Variants in CAMKMT observed in about 807,000 individuals in gnomAD.
CAMKMT encodes calmodulin-lysine N-methyltransferase, also known as CaM KMT.
CAMKMT carries 53 observed loss-of-function variants against 48.0 expected under a neutral mutation model. The ratio of observed to expected loss-of-function variants is 1.10; its 90% CI spans 0.89 to 1.39. CAMKMT has a LOEUF of 1.39. CAMKMT is among the 40% of genes most tolerant of loss of function. The pLI is 0.00. For synonymous variants in CAMKMT, 165 were observed against 152.3 expected (o/e 1.08, Z -0.61); for missense variants, 428 against 402.7 (o/e 1.06, Z -0.54).
chr2:44,386,367 C>T (rs976501100), intron 2 of CAMKMT, among the ~76,000 whole-genome samples: 1 of 151,980 alleles, frequency 6.6e-6, no homozygotes, highest in Non-Finnish European at 1.5e-5. Context: ...GCAGTATCTC[C>T]TGTTTCCTAG....
chr2:44,586,621 G>A (rs1572859183), intron 3 of CAMKMT, among the ~76,000 whole-genome samples: 1 of 152,248 alleles, frequency 6.6e-6, no homozygotes, highest in East Asian at 1.9e-4. Context: ...CTTGCATATT[G>A]TAGTGTGTTT....
intron 3 of CAMKMT, among the ~76,000 whole-genome samples, chr2:44,703,853 C>T (rs1363296298): frequency 6.6e-6 from 1 of 150,508 alleles, no homozygotes; most frequent in South Asian, 2.1e-4. Flanking sequence ...AGTGTAGTGA[C>T]GTCAGTGGTT....
At chr2:44,374,013 A>G (rs1679431571) in intron 2 of CAMKMT, among the ~76,000 whole-genome samples, 1 of 149,860 alleles carries the variant, frequency 6.7e-6, no homozygotes, top group Non-Finnish European at 1.5e-5. Flanking sequence ...GGTCTTAGCT[A>G]CTCCAGAGGC....
At position 44,707,453 on chromosome 2, in the gene CAMKMT, G is replaced by A. The variant is rs1449794931; in HGVS notation, c.547G>A (p.Ala183Thr). Residue 183 changes from alanine to threonine, a missense_variant, in exon 6 of 11, where the codon GCC becomes ACC. Coordinates refer to ENST00000378494, the MANE Select transcript of CAMKMT (RefSeq NM_024766.5). Reference protein sequence around the residue: ...EVLLTDGNEKAIRNVQDIITR... With the variant: ...EVLLTDGNEKTIRNVQDIITR... ...TCTGTTAACTGATGGGAATGAAAAG[G>A]CCATCAGAAGTATCCTTATTCAGAT... is the stretch of plus-strand genomic sequence containing the variant. 6.2e-7 allele frequency: 1 copy of A among 1,611,984 alleles called. No homozygotes were observed. Among genetic ancestry groups the A allele is most frequent in the African/African-American group, 1.3e-5 (1 of 74,760 alleles).
rs1679310001 is a variant in CAMKMT at position 44,372,760 on chromosome 2, T to C, written c.183T>C (p.Ser61=). ...TGGATGATTGCCTGCGACATGTATC[T>C]GTAAGAAGATTTGAATCATTTAATC... is the stretch of plus-strand genomic sequence containing the variant. The part of the protein sequence containing the change: ...KHLDDCLRHV[S]VRRFESFNLF... The change falls in exon 2 of 11, where the codon TCT becomes TCC. Residue 61 remains serine, a synonymous_variant. Transcript: ENST00000378494. 3 of 1,613,540 alleles carry C rather than the reference T, an allele frequency of 1.9e-6. No homozygotes were observed. The South Asian group carries it at 3.3e-5, about 18-fold the overall frequency.
chr2:44,438,680 G>C (rs1411880666), intron 3 of CAMKMT, among the ~76,000 whole-genome samples: 1 of 151,994 alleles, frequency 6.6e-6, no homozygotes, highest in Non-Finnish European at 1.5e-5. Context: ...GAACTACTCA[G>C]GTGTGTGTTT....
intron 7 of CAMKMT, chr2:44,723,690 G>T (rs886327039): frequency 6.6e-6 from 1 of 151,766 alleles, no homozygotes; most frequent in East Asian, 1.9e-4. Flanking sequence ...ATTCATTGAA[G>T]CCACTTCCAT....
chr2:44,490,484 A>G (rs991092751), intron 3 of CAMKMT, among the ~76,000 whole-genome samples: 3 of 152,186 alleles, frequency 2.0e-5, no homozygotes, highest in African/African-American at 7.2e-5. Context: ...CATGTTGGTC[A>G]GGCTGGTCTC....
At chr2:44,472,135 A>G (rs556759447) in intron 3 of CAMKMT, among the ~76,000 whole-genome samples, 51 of 152,162 alleles carry the variant, frequency 3.4e-4, no homozygotes, top group African/African-American at 1.2e-3. Flanking sequence ...CAGTGGTACA[A>G]TCTCGGCTAA....
intron 3 of CAMKMT, among the ~76,000 whole-genome samples, chr2:44,687,489 A>C (rs189380168): frequency 8.2e-4 from 125 of 152,312 alleles, no homozygotes; most frequent in African/African-American, 2.9e-3. Context: ...AAGGGAACCA[A>C]ATAGCTGCCA....
At chr2:44,595,417 A>G (rs1572882971) in intron 3 of CAMKMT, among the ~76,000 whole-genome samples, 2 of 152,214 alleles carry the variant, frequency 1.3e-5, no homozygotes, top group East Asian at 3.8e-4. Flanking sequence ...TGCTACAAAG[A>G]GAATAAAATA....
chr2:44,634,622 C>G (rs1673015853), intron 3 of CAMKMT, among the ~76,000 whole-genome samples: 1 of 151,968 alleles, frequency 6.6e-6, no homozygotes, highest in African/African-American at 2.4e-5. Context: ...AAAGGAATAA[C>G]TCTTTCTATC....
At chr2:44,425,087 A>G (rs1684192787) in intron 3 of CAMKMT, among the ~76,000 whole-genome samples, 1 of 152,236 alleles carries the variant, frequency 6.6e-6, no homozygotes, top group Non-Finnish European at 1.5e-5. Context: ...TCAAAGTTAA[A>G]GAATAAAATG....
At chr2:44,495,025 T>C (rs781733282) in intron 3 of CAMKMT, among the ~76,000 whole-genome samples, 1 of 152,236 alleles carries the variant, frequency 6.6e-6, no homozygotes, top group Admixed American at 6.5e-5. Flanking sequence ...AGAGTGATGA[T>C]GGATAGACCC....
chr2:44,707,328 A>G, intron 5 of CAMKMT, 71 bp from the exon 6 acceptor site: 1 of 1,327,818 alleles, frequency 7.5e-7, no homozygotes, highest in South Asian at 1.2e-5. Context: ...AAGGCTTGTC[A>G]CTCCTGTCTT....
At chr2:44,692,592 G>A (rs543209618) in intron 3 of CAMKMT, among the ~76,000 whole-genome samples, 1 of 152,296 alleles carries the variant, frequency 6.6e-6, no homozygotes, top group Admixed American at 6.5e-5. Context: ...AGGCCTGGCT[G>A]CCTTGATAAT....
rs148791432 is a variant in CAMKMT, at chr2:44,753,203, A to G, written c.699-852A>G. On this transcript the variant is annotated intron_variant, in intron 8 of 10. Coordinates refer to ENST00000378494, the MANE Select transcript of CAMKMT (RefSeq NM_024766.5). The stretch of plus-strand genomic sequence containing the variant: ...TGAGGCAGGAAGACTGCTTGAGCCC[A>G]GTAGTTCAAGACCAGCCCTGGCAAC... Among the ~76,000 whole-genome samples the G allele has an allele frequency of 5.0e-3, 739 of 148,612 alleles. 7 individuals carry two copies. The highest frequency in any genetic ancestry group is 0.017 in the African/African-American group (693 of 39,924).
chr2:44,448,398 T>C (rs1245139366), intron 3 of CAMKMT, among the ~76,000 whole-genome samples: 1 of 152,204 alleles, frequency 6.6e-6, no homozygotes, highest in Non-Finnish European at 1.5e-5. Flanking sequence ...CCCTAGAGGG[T>C]CTTCAATTCT....
chr2:44,649,968 A>G (rs967858979), intron 3 of CAMKMT, among the ~76,000 whole-genome samples: 3 of 152,224 alleles, frequency 2.0e-5, no homozygotes, highest in African/African-American at 7.2e-5. Flanking sequence ...CTAGCAAACT[A>G]CAGTGCCTGC....
Sources: gnomAD v4.1 joint callset for allele counts (sites outside exome capture counted in the v4.1 genomes callset) on GRCh38, gnomAD v4.1.1 for gene constraint, MANE v1.5 for transcripts, NCBI Gene and HGNC (gene_info 2026-07-23, HGNC 2026-07-21) for gene names.